Variants in SUCLG2 observed in about 807,000 individuals in gnomAD.
SUCLG2 encodes succinate-CoA ligase GDP-forming subunit beta.
In SUCLG2, 42 loss-of-function variants were observed where a neutral mutation model predicts 47.9. The ratio of observed to expected loss-of-function variants is 0.88; its 90% CI spans 0.69 to 1.14. The LOEUF is 1.14. Ranked by LOEUF, SUCLG2 falls within the 50% of genes most tolerant of loss-of-function variation. The pLI, the probability that SUCLG2 is intolerant of heterozygous loss-of-function variation, is 0.00. For synonymous variants in SUCLG2, 195 were observed against 197.3 expected (o/e 0.99, Z 0.10); for missense variants, 571 against 525.9 (o/e 1.09, Z -0.84).
At chr3:67,458,806 A>G (rs555661887) in intron 9 of SUCLG2, among the ~76,000 whole-genome samples, 17 of 152,308 alleles carry the variant, frequency 1.1e-4, no homozygotes, top group Middle Eastern at 3.4e-3. Flanking sequence ...GAATATCGTT[A>G]AACAACTCAG....
intron 2 of SUCLG2, among the ~76,000 whole-genome samples, chr3:67,537,277 T>C (rs1453405977): frequency 6.6e-6 from 1 of 152,152 alleles, no homozygotes; most frequent in Non-Finnish European, 1.5e-5. Flanking sequence ...TGTCCATGTG[T>C]TCTCATTGCT....
At chr3:67,578,046 C>T (rs908171108) in intron 2 of SUCLG2, among the ~76,000 whole-genome samples, 1 of 151,820 alleles carries the variant, frequency 6.6e-6, no homozygotes, top group African/African-American at 2.4e-5. Context: ...TTGTATCTTC[C>T]TTTCTTTCTG....
At chr3:67,409,008 A>G in intron 9 of SUCLG2, 1 of 1,535,396 alleles carries the variant, frequency 6.5e-7, no homozygotes, top group South Asian at 1.2e-5. Context: ...CTGGTGCCCA[A>G]GTATTTCTTG....
chr3:67,615,648 A>ACG (rs1276895020), intron 1 of SUCLG2, among the ~76,000 whole-genome samples: 1 of 151,786 alleles, frequency 6.6e-6, no homozygotes, highest in Admixed American at 6.6e-5. Flanking sequence ...ACACACACAC[A>ACG]CACGAGATCT....
At chr3:67,462,915 T>C (rs766620977) in intron 9 of SUCLG2, among the ~76,000 whole-genome samples, 7 of 152,176 alleles carry the variant, frequency 4.6e-5, no homozygotes, top group East Asian at 3.9e-4. Flanking sequence ...TGCTGCAGAA[T>C]TGATTGCTTG....
chr3:67,372,666 T>G (rs1701970421), downstream of SUCLG2, among the ~76,000 whole-genome samples: 1 of 152,180 alleles, frequency 6.6e-6, no homozygotes, highest in Non-Finnish European at 1.5e-5. Context: ...GCAAGTGGCC[T>G]TTTGTAGACT....
chr3:67,511,805 T>C (rs1705798801), intron 6 of SUCLG2, among the ~76,000 whole-genome samples: 2 of 145,062 alleles, frequency 1.4e-5, no homozygotes, highest in Admixed American at 1.3e-4. Flanking sequence ...ATTGAGATTT[T>C]GGTCCCTTAT....
chr3:67,376,731 G>A (rs1018481804), intron 10 of SUCLG2, among the ~76,000 whole-genome samples: 46 of 152,134 alleles, frequency 3.0e-4, no homozygotes, highest in African/African-American at 1.1e-3. Flanking sequence ...AGAAATGGGT[G>A]GATTGAAAAG....
chr3:67,520,535 C>G lies in SUCLG2; in HGVS notation c.517G>C (p.Gly173Arg), dbSNP rs757799757. Residue 173 changes from glycine to arginine, a missense_variant, in exon 5 of 11, where the codon GGG (glycine) becomes CGG (arginine). Transcript: ENST00000307227. Reference protein sequence around the residue: ...NGPVLVGSPQGGVDIEEVAAS... With the variant: ...NGPVLVGSPQRGVDIEEVAAS... ...GCCACCTCTTCAATGTCGACGCCCC[C>G]CTGGGGGCTGCCCACCAGCACGGGG... 87 of 1,614,058 alleles carry G rather than the reference C, an allele frequency of 5.4e-5. 1 individual carries two copies. In the South Asian group the frequency reaches 7.4e-4, roughly 14 times the overall value.
rs1663434965 is a variant in SUCLG2, at chr3:67,363,766, GAAC to G, written c.1184-3001_1184-2999del. Among the ~76,000 whole-genome samples, 4 of 152,182 alleles carry G rather than the reference GAAC, an allele frequency of 2.6e-5. No individual in the cohort carries two copies. The South Asian group carries it at 6.3e-4, about 24-fold the overall frequency. ...TAACTCAGCAAACAGATCAAAGAGA[GAAC>G]AATAGCACTTCCTCCCCCTCCCCCC... On this transcript the variant is annotated intron_variant, in intron 10 of 10. Coordinates refer to the SUCLG2 transcript ENST00000493112.
At chr3:67,555,683 G>A (rs564258326) in intron 2 of SUCLG2, among the ~76,000 whole-genome samples, 10 of 152,304 alleles carry the variant, frequency 6.6e-5, no homozygotes, top group South Asian at 6.2e-4. Flanking sequence ...ACAAGAATTC[G>A]TAAGTCTTTG....
chr3:67,404,397 A>G (rs4241440), intron 9 of SUCLG2, among the ~76,000 whole-genome samples: 109,257 of 151,760 alleles, frequency 0.72, 39,713 homozygotes, highest in Admixed American at 0.81. Context: ...ATGAGAGAAC[A>G]CAAAAGAATA....
At chr3:67,388,578 G>A (rs1702308776) in intron 10 of SUCLG2, among the ~76,000 whole-genome samples, 1 of 152,264 alleles carries the variant, frequency 6.6e-6, no homozygotes, top group Non-Finnish European at 1.5e-5. Flanking sequence ...TGTATTCTTG[G>A]CACTGATCAT....
intron 9 of SUCLG2, among the ~76,000 whole-genome samples, chr3:67,458,123 C>T (rs1704234597): frequency 6.6e-6 from 1 of 152,036 alleles, no homozygotes; most frequent in Admixed American, 6.6e-5. Flanking sequence ...GGGAAGAGGC[C>T]CGCCTTCCCA....
At chr3:67,514,366 G>A (rs542611174) in intron 6 of SUCLG2, 14 of 320,674 alleles carry the variant, frequency 4.4e-5, no homozygotes, top group African/African-American at 1.8e-4. Flanking sequence ...GAAATAAATC[G>A]TCTATTAATC....
intron 2 of SUCLG2, among the ~76,000 whole-genome samples, chr3:67,580,786 T>A (rs1707861763): frequency 6.6e-6 from 1 of 152,112 alleles, no homozygotes; most frequent in Non-Finnish European, 1.5e-5. Context: ...CACAAGTGAG[T>A]TGTCAGGGAG....
chr3:67,468,074 G>A (rs2106975869), intron 9 of SUCLG2, among the ~76,000 whole-genome samples: 1 of 152,318 alleles, frequency 6.6e-6, no homozygotes, highest in East Asian at 1.9e-4. Flanking sequence ...GTCAAATTCT[G>A]TATGATGTGT....
intron 2 of SUCLG2, among the ~76,000 whole-genome samples, chr3:67,562,755 A>T (rs1253681713): frequency 6.6e-6 from 1 of 152,196 alleles, no homozygotes; most frequent in Non-Finnish European, 1.5e-5. Flanking sequence ...AATTTAAATG[A>T]CTTGATTTTT....
chr3:67,609,043 C>T (rs1409170635), intron 2 of SUCLG2, among the ~76,000 whole-genome samples: 1 of 152,178 alleles, frequency 6.6e-6, no homozygotes, highest in Non-Finnish European at 1.5e-5. Flanking sequence ...ACTGAGGACA[C>T]AGAGGTGCCT....
Sources: gnomAD v4.1 joint callset for allele counts (sites outside exome capture counted in the v4.1 genomes callset) on GRCh38, gnomAD v4.1.1 for gene constraint, MANE v1.5 for transcripts, NCBI Gene and HGNC (gene_info 2026-07-23, HGNC 2026-07-21) for gene names.